Variants in RTTN observed in about 807,000 individuals in gnomAD.
The protein encoded by RTTN is rotatin.
RTTN carries 182 observed loss-of-function variants against 269.2 expected under a neutral mutation model. The ratio of observed to expected loss-of-function variants is 0.68; its 90% confidence interval spans 0.60 to 0.76. The LOEUF (loss-of-function observed/expected upper bound fraction) is 0.76, where lower values mean the gene tolerates loss of function less well. Ranked by LOEUF, RTTN falls within the 30% of genes least tolerant of loss-of-function variation. The probability of loss-of-function intolerance (pLI) is 0.00; values close to 1 mark genes in which losing one functional copy is unlikely to be tolerated. For synonymous variants in RTTN, 1,006 were observed against 963.5 expected (o/e 1.04, Z -0.82); for missense variants, 2,545 against 2,608.6 (o/e 0.98, Z 0.53).
chr18:70,086,557 T>C (rs1284440891), intron 32 of RTTN, 56 bp downstream of exon 32: 1 of 1,300,722 alleles, frequency 7.7e-7, no homozygotes, highest in African/African-American at 1.5e-5. Context: ...ACTGAAAATT[T>C]ATCACCAATT....
chr18:70,148,365 T>C (rs1193945876), intron 17 of RTTN, among the ~76,000 whole-genome samples: 1 of 152,178 alleles, frequency 6.6e-6, no homozygotes, highest in Non-Finnish European at 1.5e-5. Context: ...TCTCCTTCTT[T>C]TCATTAATTA....
chr18:70,098,795 C>A (rs980736417), intron 28 of RTTN, among the ~76,000 whole-genome samples: 1 of 152,168 alleles, frequency 6.6e-6, no homozygotes, highest in African/African-American at 2.4e-5. Context: ...CCTCCACCCT[C>A]CTCCTACCCC....
chr18:70,104,251 C>T (rs1162597226), intron 28 of RTTN, among the ~76,000 whole-genome samples: 1 of 152,204 alleles, frequency 6.6e-6, no homozygotes, highest in Non-Finnish European at 1.5e-5. Flanking sequence ...TCTTCAATCA[C>T]TGATACCCTT....
At chr18:70,198,289 C>G (rs1041938184) in intron 5 of RTTN, among the ~76,000 whole-genome samples, 2 of 152,174 alleles carry the variant, frequency 1.3e-5, no homozygotes, top group African/African-American at 4.8e-5. Flanking sequence ...CACCCCTTCT[C>G]TCAGCCCAGT....
intron 22 of RTTN, 113 bp downstream of exon 22, chr18:70,135,071 A>G (rs2060091435): frequency 3.4e-6 from 2 of 592,936 alleles, no homozygotes; most frequent in Non-Finnish European, 5.9e-6. Context: ...TATGTGTAGC[A>G]TGGACAGCAT....
At chr18:70,048,596 ATT>A (rs2057560981) in intron 39 of RTTN, among the ~76,000 whole-genome samples, 1 of 151,398 alleles carries the variant, frequency 6.6e-6, no homozygotes, top group Non-Finnish European at 1.5e-5. Context: ...TGGATTTATA[ATT>A]TTGTTTGATT....
chr18:70,202,486 T>C (rs1393462101), intron 3 of RTTN, among the ~76,000 whole-genome samples: 1 of 152,248 alleles, frequency 6.6e-6, no homozygotes, highest in Non-Finnish European at 1.5e-5. Context: ...AACTATAGTT[T>C]GTAATTTTAA....
chr18:70,063,316 T>C (rs2058043283), intron 35 of RTTN, among the ~76,000 whole-genome samples: 1 of 152,270 alleles, frequency 6.6e-6, no homozygotes, highest in African/African-American at 2.4e-5. Context: ...CTTCGGGTAG[T>C]ATTAATTTGT....
In RTTN at chr18:70,088,018, G is replaced by A; in HGVS notation, c.4273C>T (p.Gln1425Ter). The A allele has an allele frequency of 6.2e-7, 1 of 1,613,648 alleles. No individual in the cohort carries two copies. Among genetic ancestry groups the A allele is most frequent in the Non-Finnish European group, 8.5e-7 (1 of 1,179,786 alleles). ...WGTVVNILLD[Q>*]SECSMVRREA... ...CGGCGCACCATACTACATTCTGACT[G>A]GTCCAGAAGAATGTTCACCACAGTT... The change falls in exon 31 of 49, where the codon CAG becomes TAG. Residue 1425 changes from glutamine (Q) to a stop codon, truncating the protein, a stop_gained. Transcript: ENST00000640769. LOFTEE classifies it high-confidence loss of function.
intron 4 of RTTN, 88 bp downstream of exon 4, chr18:70,201,806 G>A (rs1249420313): frequency 2.6e-6 from 2 of 761,798 alleles, no homozygotes; most frequent in Non-Finnish European, 4.4e-6. Context: ...TTCAAGTTTG[G>A]TAAAAATACA....
At chr18:70,195,630 T>C (rs1016767151) in intron 7 of RTTN, among the ~76,000 whole-genome samples, 1 of 152,246 alleles carries the variant, frequency 6.6e-6, no homozygotes, top group African/African-American at 2.4e-5. Flanking sequence ...TCTTATTCGT[T>C]TGTTCAGTGT....
chr18:70,044,859 C>T (rs1053824156), intron 40 of RTTN, among the ~76,000 whole-genome samples: 1 of 152,084 alleles, frequency 6.6e-6, no homozygotes, highest in African/African-American at 2.4e-5. Context: ...GAATGGCATG[C>T]AATTTAAGAC....
At chr18:70,119,285 C>G (rs976787458) in intron 26 of RTTN, among the ~76,000 whole-genome samples, 1 of 148,020 alleles carries the variant, frequency 6.8e-6, no homozygotes, top group South Asian at 2.2e-4. Context: ...ATACAGTAAC[C>G]GCGCCCCCCC....
chr18:70,142,492 A>T (rs1033059554), intron 18 of RTTN, 105 bp from the exon 19 acceptor site: 1 of 660,526 alleles, frequency 1.5e-6, no homozygotes, highest in Non-Finnish European at 2.6e-6. Flanking sequence ...CAAAAAGTCA[A>T]CTTATTTAAA....
intron 10 of RTTN, among the ~76,000 whole-genome samples, chr18:70,184,716 TTG>T (rs1555776912): frequency 0.026 from 872 of 33,238 alleles, 36 homozygotes; most frequent in African/African-American, 0.052. Flanking sequence ...TTTTTTTTTT[TTG>T]TGTGTGTGTG....
At chr18:70,094,253 G>C (rs1599502566) in intron 28 of RTTN, among the ~76,000 whole-genome samples, 1 of 152,154 alleles carries the variant, frequency 6.6e-6, no homozygotes, top group South Asian at 2.1e-4. Flanking sequence ...ACCAGCTCCT[G>C]GATTCATTGA....
intron 3 of RTTN, among the ~76,000 whole-genome samples, chr18:70,203,107 G>A (rs937970672): frequency 3.9e-5 from 6 of 152,114 alleles, no homozygotes; most frequent in Non-Finnish European, 7.3e-5. Context: ...CAGCACAGCA[G>A]CCAACACAGC....
intron 30 of RTTN, among the ~76,000 whole-genome samples, chr18:70,090,839 C>A (rs894692188): frequency 6.6e-6 from 1 of 152,184 alleles, no homozygotes; most frequent in Non-Finnish European, 1.5e-5. Context: ...ACAGAGCCAT[C>A]TAGACAGATG....
At chr18:70,176,000 A>G (rs1252554504) in intron 11 of RTTN, among the ~76,000 whole-genome samples, 2 of 152,130 alleles carry the variant, frequency 1.3e-5, no homozygotes, top group East Asian at 3.8e-4. Flanking sequence ...CACTGCAGAG[A>G]TAAGATCAGT....
Sources: allele counts gnomAD v4.1 joint callset (sites outside exome capture counted in the v4.1 genomes callset), GRCh38; gene constraint gnomAD v4.1.1; transcripts MANE v1.5; gene names NCBI Gene and HGNC (gene_info 2026-07-23, HGNC 2026-07-21).